DNAH5: variants seen among roughly 807,000 people sequenced by gnomAD.
The protein encoded by DNAH5 is dynein axonemal heavy chain 5, also known as axonemal beta dynein heavy chain 5.
A neutral mutation model predicts 518.2 loss-of-function variants in DNAH5; 372 were observed. The ratio of observed to expected loss-of-function variants is 0.72; its 90% CI spans 0.66 to 0.78. The LOEUF (loss-of-function observed/expected upper bound fraction) is 0.78, where lower values mean the gene tolerates loss of function less well. DNAH5 is among the 30% of genes least tolerant of loss of function. The pLI, the probability that DNAH5 is intolerant of heterozygous loss-of-function variation, is 0.00. For missense variants in DNAH5, 5,523 were observed against 5,687.0 expected (o/e 0.97, Z 0.93); for synonymous variants, 2,039 against 2,025.9 (o/e 1.01, Z -0.17).
chr5:14,000,812 A>G (rs904373755), intron 1 of DNAH5, among the ~76,000 whole-genome samples: 1 of 152,202 alleles, frequency 6.6e-6, no homozygotes, highest in Admixed American at 6.5e-5. Context: ...AAAGGAAAAT[A>G]CATCATTCTA....
chr5:13,951,208 G>GTT (rs869082404), intron 1 of DNAH5, among the ~76,000 whole-genome samples: 7 of 66,594 alleles, frequency 1.1e-4, no homozygotes, highest in South Asian at 8.2e-4. Context: ...TGTTTTTTTC[G>GTT]TTTTTTTTTT....
At chr5:13,766,853 T>C (rs149917614) in intron 58 of DNAH5, among the ~76,000 whole-genome samples, 50 of 152,350 alleles carry the variant, frequency 3.3e-4, no homozygotes, top group East Asian at 3.9e-4. Flanking sequence ...AAACTCACTA[T>C]GGAATAAGTA....
chr5:13,905,406 G>A (rs557567565), intron 12 of DNAH5, among the ~76,000 whole-genome samples: 176 of 152,310 alleles, frequency 1.2e-3, no homozygotes, highest in Non-Finnish European at 1.9e-3. Context: ...CTTCTGCCAT[G>A]CAGCAAGAAG....
intron 47 of DNAH5, among the ~76,000 whole-genome samples, chr5:13,794,567 T>G (rs180761929): frequency 6.6e-6 from 1 of 152,302 alleles, no homozygotes; most frequent in East Asian, 1.9e-4. Flanking sequence ...GATTCAATTC[T>G]CATTCCCTGA....
intron 75 of DNAH5, 90 bp downstream of exon 75, chr5:13,714,315 T>A: frequency 4.5e-6 from 6 of 1,336,632 alleles, no homozygotes; most frequent in Non-Finnish European, 6.4e-6. Context: ...TTCAGGAAAA[T>A]CATTTTTTGC....
intron 61 of DNAH5, among the ~76,000 whole-genome samples, chr5:13,756,088 T>C (rs1313887477): frequency 3.3e-5 from 5 of 152,096 alleles, no homozygotes; most frequent in Non-Finnish European, 7.4e-5. Context: ...CCCAGAGAGG[T>C]GACTGGCTCT....
intron 1 of DNAH5, 51 bp downstream of exon 1, chr5:13,944,331 C>G (rs753832626): frequency 6.3e-7 from 1 of 1,579,778 alleles, no homozygotes; most frequent in Non-Finnish European, 8.7e-7. Flanking sequence ...CCAGGTGTGA[C>G]AGATGATAAT....
chr5:13,923,762 G>C (rs375712100), intron 3 of DNAH5, among the ~76,000 whole-genome samples: 1 of 152,150 alleles, frequency 6.6e-6, no homozygotes, highest in African/African-American at 2.4e-5. Context: ...CTCACAACCC[G>C]GCTGGGTGCG....
At chr5:13,770,181 G>A (rs1451708685) in intron 56 of DNAH5, among the ~76,000 whole-genome samples, 10 of 152,108 alleles carry the variant, frequency 6.6e-5, no homozygotes, top group East Asian at 1.9e-4. Flanking sequence ...TTCTAGCCAC[G>A]CTCAGGAAGA....
chr5:13,885,252 A>G (rs748202570), intron 18 of DNAH5, 24 bp from the exon 19 acceptor site: 1 of 1,613,258 alleles, frequency 6.2e-7, no homozygotes, highest in East Asian at 2.2e-5. Context: ...AAAGAGATAG[A>G]GATAGAGATA....
intron 12 of DNAH5, among the ~76,000 whole-genome samples, chr5:13,909,158 T>C (rs1168116805): frequency 1.3e-5 from 2 of 152,110 alleles, no homozygotes; most frequent in Non-Finnish European, 2.9e-5. Flanking sequence ...ACTAATACAG[T>C]AGTCCCCTCT....
chr5:13,839,923 T>C (rs1016837617), intron 34 of DNAH5, among the ~76,000 whole-genome samples: 10 of 152,184 alleles, frequency 6.6e-5, no homozygotes, highest in Non-Finnish European at 1.2e-4. Context: ...GAAAAAGACA[T>C]CTCTTAAGAC....
At chr5:13,959,828 G>A (rs577471966) in intron 1 of DNAH5, among the ~76,000 whole-genome samples, 1 of 152,236 alleles carries the variant, frequency 6.6e-6, no homozygotes, top group African/African-American at 2.4e-5. Context: ...TTAGCCAGGC[G>A]TGGTGACACA....
In DNAH5 at chr5:13,793,721, T is replaced by C. The variant is rs200591493; in HGVS notation, c.8018A>G (p.Asn2673Ser). Residue 2673 changes from asparagine to serine, a missense_variant, in exon 49 of 79, where the codon AAT becomes AGT. Asn to Ser is a conservative substitution (Grantham distance 46). This residue lies in a region of DNAH5 where 5,121 missense variants were observed against 5,223.3 expected (regional missense o/e 0.98). Transcript: ENST00000265104. ...IINEWGDQVT[N>S]EIVRQLMEQN... ...TTCCATCAGCTGTCGCACTATCTCA[T>C]TCGTAACCTACAAAAGACAACTTTC... 247 of 1,613,864 alleles carry C rather than the reference T, an allele frequency of 1.5e-4. No homozygotes were observed. Among genetic ancestry groups the C allele is most frequent in the Non-Finnish European group, 2.1e-4 (242 of 1,179,996 alleles).
intron 1 of DNAH5, among the ~76,000 whole-genome samples, chr5:13,961,645 AAAAAAG>A (rs916198960): frequency 3.0e-4 from 20 of 65,800 alleles, no homozygotes; most frequent in East Asian, 9.3e-4. Context: ...CTCCTTCTGA[AAAAAAG>A]AAAAAGAAAA....
At position 13,830,290 on chromosome 5, in the gene DNAH5, G is replaced by A. The variant is rs148309622; in HGVS notation, c.6062-77C>T. 23,276 of 1,298,456 alleles carry A rather than the reference G, an allele frequency of 0.018. 373 individuals carry two copies. The highest frequency in any genetic ancestry group is 0.057 in the South Asian group (4,561 of 79,834). The allele number at this position is 1,298,456 out of a possible 1,614,324, so 80.4% of individuals were successfully genotyped here. ...CCAAGAAAAAGGATATTATGTAGCT[G>A]CTAAAATGAGCCAGATGTAAGTTCA... On this transcript the variant is annotated intron_variant, in intron 36 of 78. Transcript: ENST00000265104.
intron 47 of DNAH5, 127 bp from the exon 48 acceptor site, chr5:13,794,185 C>T: frequency 8.4e-7 from 1 of 1,196,270 alleles, no homozygotes; most frequent in East Asian, 2.5e-5. Flanking sequence ...AGCCAAATTT[C>T]CCCCTTAATT....
At chr5:13,797,014 C>A (rs1206222720) in intron 47 of DNAH5, among the ~76,000 whole-genome samples, 1 of 152,202 alleles carries the variant, frequency 6.6e-6, no homozygotes, top group African/African-American at 2.4e-5. Context: ...AAAGCTGAAA[C>A]TGGATCCCTT....
At chr5:13,745,297 A>G (rs946905559) in intron 65 of DNAH5, among the ~76,000 whole-genome samples, 6 of 152,110 alleles carry the variant, frequency 3.9e-5, no homozygotes, top group African/African-American at 1.4e-4. Context: ...TTCTGGTAAT[A>G]GCAGCAGAAT....
Sources: allele counts gnomAD v4.1 joint callset (sites outside exome capture counted in the v4.1 genomes callset), GRCh38; gene constraint gnomAD v4.1.1; regional missense constraint gnomAD v4.1.1; transcripts MANE v1.5; gene names NCBI Gene and HGNC (gene_info 2026-07-23, HGNC 2026-07-21).